NRG3: variants seen among roughly 807,000 people sequenced by gnomAD.
NRG3 encodes pro-neuregulin-3, membrane-bound isoform.
NRG3 carries 31 observed loss-of-function variants against 66.9 expected under a neutral mutation model. That is an observed-to-expected ratio of 0.46 (90% CI 0.35 to 0.63). NRG3 has a LOEUF of 0.63. Ranked by LOEUF, NRG3 falls within the 20% of genes least tolerant of loss-of-function variation. NRG3 has a pLI of 0.00. For missense variants in NRG3, 910 were observed against 878.9 expected, an observed-to-expected ratio of 1.04 and a Z score of -0.45; for synonymous variants, 393 against 359.4, an observed-to-expected ratio of 1.09 and a Z score of -1.06.
intron 1 of NRG3, among the ~76,000 whole-genome samples, chr10:82,334,530 A>G (rs560999159): frequency 6.6e-6 from 1 of 152,342 alleles, no homozygotes; most frequent in South Asian, 2.1e-4. Context: ...AAAGATGGGC[A>G]CCTTTTTAAA....
rs904512733 is a variant in NRG3 at position 82,909,058 on chromosome 10, T to A, written c.1055-42411T>A. Among the ~76,000 whole-genome samples, 13 of 152,218 alleles carry A rather than the reference T, an allele frequency of 8.5e-5. 1 individual carries two copies. Among genetic ancestry groups the A allele is most frequent in the Non-Finnish European group, 7.3e-5 (5 of 68,042 alleles). Reference sequence around the variant, plus strand: ...CAGTAGTCTCTTCAGGCTATATGCCTGGCTGACCATCAGGAAACTGAGGCC... The same window carrying A: ...CAGTAGTCTCTTCAGGCTATATGCCAGGCTGACCATCAGGAAACTGAGGCC... On this transcript the variant is annotated intron_variant, in intron 4 of 8. Coordinates refer to ENST00000372141, the MANE Select transcript of NRG3 (RefSeq NM_001010848.4).
intron 2 of NRG3, among the ~76,000 whole-genome samples, chr10:82,502,667 A>G (rs1176023334): frequency 6.6e-6 from 1 of 152,146 alleles, no homozygotes; most frequent in Non-Finnish European, 1.5e-5. Context: ...GAAGAGTTAC[A>G]AATTTCTTTG....
At chr10:82,861,779 A>G (rs2064142602) in intron 3 of NRG3, among the ~76,000 whole-genome samples, 1 of 152,188 alleles carries the variant, frequency 6.6e-6, no homozygotes, top group Non-Finnish European at 1.5e-5. Context: ...CTCTCATGTC[A>G]TGGAACACCT....
intron 1 of NRG3, among the ~76,000 whole-genome samples, chr10:82,028,914 C>CA (rs2132854025): frequency 6.6e-6 from 1 of 152,112 alleles, no homozygotes; most frequent in Non-Finnish European, 1.5e-5. Context: ...TCATCAGAAT[C>CA]AAAAAACTAT....
Position 82,979,024 on chromosome 10 carries a change from C to T in NRG3, c.1487C>T (p.Pro496Leu), listed in dbSNP as rs1022935750. ...AGGAATGCCTTCAGAAGGACACCCC[C>T]GTCACCCCGAAGTAGGCTAGGTGGA... ...LHRNAFRRTP[P>L]SPRSRLGGIV... The change falls in exon 8 of 9, where the codon CCG (proline) becomes CTG (leucine). Residue 496 changes from proline (P) to leucine (L), a missense_variant. Coordinates refer to ENST00000372141, the MANE Select transcript of NRG3 (RefSeq NM_001010848.4). The T allele has an allele frequency of 1.4e-5, 22 of 1,614,066 alleles. No homozygotes were observed. Among genetic ancestry groups the T allele is most frequent in the East Asian group, 4.5e-5 (2 of 44,856 alleles).
At chr10:82,256,998 C>G (rs2077764114) in intron 1 of NRG3, among the ~76,000 whole-genome samples, 1 of 152,196 alleles carries the variant, frequency 6.6e-6, no homozygotes, top group Admixed American at 6.5e-5. Context: ...GTGTAGACGA[C>G]AGGGTTTATA....
In NRG3 at chr10:81,995,027, T is replaced by C. The variant is rs2060883831; in HGVS notation, c.823+118864T>C. Among the ~76,000 whole-genome samples the C allele has an allele frequency of 2.6e-5, 4 of 152,178 alleles. No homozygotes were observed. In the East Asian group the frequency reaches 5.8e-4, roughly 22 times the overall value. On this transcript the variant is annotated intron_variant, in intron 1 of 8. Transcript: ENST00000372141. ...TTATGTGAATTTGGTCTCTCAGATA[T>C]GTTTTTCGTATCTCCCACTCACAAC... is the stretch of plus-strand genomic sequence containing the variant.
chr10:82,347,275 C>T (rs1226888655), intron 1 of NRG3, among the ~76,000 whole-genome samples: 3 of 149,536 alleles, frequency 2.0e-5, no homozygotes, highest in South Asian at 2.1e-4. Flanking sequence ...TGTCTTTGTT[C>T]TCGTTGGTTT....
At chr10:82,027,248 A>G (rs2062355090) in intron 1 of NRG3, among the ~76,000 whole-genome samples, 1 of 152,134 alleles carries the variant, frequency 6.6e-6, no homozygotes, top group Admixed American at 6.6e-5. Context: ...AGCAAAGTAT[A>G]AGTAAAGGGA....
chr10:82,648,631 C>A (rs1410911092), intron 2 of NRG3, among the ~76,000 whole-genome samples: 2 of 152,138 alleles, frequency 1.3e-5, no homozygotes, highest in African/African-American at 4.8e-5. Flanking sequence ...ATTCTTCCTG[C>A]CCATGAGCAT....
chr10:82,358,668 A>G, intron 1 of NRG3, 71 bp from the exon 2 acceptor site: 2 of 1,602,566 alleles, frequency 1.2e-6, no homozygotes, highest in Non-Finnish European at 1.7e-6. Context: ...AGAGATCCAG[A>G]GCCAGTGACA....
chr10:81,937,237 T>C (rs944498283), intron 1 of NRG3, among the ~76,000 whole-genome samples: 1 of 152,150 alleles, frequency 6.6e-6, no homozygotes, highest in Non-Finnish European at 1.5e-5. Context: ...GCAGTGAACA[T>C]GGGTGTGCAA....
intron 1 of NRG3, among the ~76,000 whole-genome samples, chr10:82,048,667 C>G (rs976847178): frequency 1.3e-5 from 2 of 151,590 alleles, no homozygotes; most frequent in African/African-American, 4.8e-5. Flanking sequence ...AAAACTGACA[C>G]CCTAACATCA....
chr10:82,375,726 T>C (rs1215101292), intron 2 of NRG3, among the ~76,000 whole-genome samples: 1 of 152,126 alleles, frequency 6.6e-6, no homozygotes, highest in Non-Finnish European at 1.5e-5. Flanking sequence ...CTTGGTAATA[T>C]CTTAGCTCCA....
intron 2 of NRG3, among the ~76,000 whole-genome samples, chr10:82,722,970 T>C (rs2057393869): frequency 6.6e-6 from 1 of 152,062 alleles, no homozygotes; most frequent in Non-Finnish European, 1.5e-5. Flanking sequence ...TACTAGTATA[T>C]ATATATATTT....
chr10:82,376,525 A>C (rs1409667677), intron 2 of NRG3, among the ~76,000 whole-genome samples: 2 of 152,208 alleles, frequency 1.3e-5, no homozygotes, highest in East Asian at 3.9e-4. Context: ...CTGTGCCAAG[A>C]GATCATGCTA....
chr10:82,761,141 G>GAT (rs2059289247), intron 3 of NRG3, among the ~76,000 whole-genome samples: 1 of 151,782 alleles, frequency 6.6e-6, no homozygotes, highest in Non-Finnish European at 1.5e-5. Flanking sequence ...AATATTTTAT[G>GAT]ATATATAGCA....
chr10:82,471,967 C>T (rs1387485998), intron 2 of NRG3, among the ~76,000 whole-genome samples: 1 of 151,618 alleles, frequency 6.6e-6, no homozygotes, highest in East Asian at 1.9e-4. Context: ...AGCAAATAAC[C>T]AAGCATCTAC....
At chr10:81,891,054 C>T (rs1239125808) in intron 1 of NRG3, among the ~76,000 whole-genome samples, 1 of 152,190 alleles carries the variant, frequency 6.6e-6, no homozygotes. Flanking sequence ...GAAGAGTACT[C>T]TTGCTGATCC....
Sources: gnomAD v4.1 joint callset for allele counts (sites outside exome capture counted in the v4.1 genomes callset) on GRCh38, gnomAD v4.1.1 for gene constraint, MANE v1.5 for transcripts, NCBI Gene and HGNC (gene_info 2026-07-23, HGNC 2026-07-21) for gene names.